The following BMPR1A variants were observed in gnomAD, a reference collection of about 807,000 sequenced individuals.
The protein encoded by BMPR1A is bone morphogenetic protein receptor type 1A.
A neutral mutation model predicts 66.0 loss-of-function variants in BMPR1A; 7 were observed. The ratio of observed to expected loss-of-function variants is 0.11; its 90% CI spans 0.06 to 0.20. The LOEUF (loss-of-function observed/expected upper bound fraction) is 0.20. BMPR1A is among the 10% of genes least tolerant of loss of function. BMPR1A has a pLI of 1.00. For missense variants in BMPR1A, 408 were observed against 669.1 expected (o/e 0.61, Z 4.31); for synonymous variants, 200 against 229.7 (o/e 0.87, Z 1.17).
chr10:86,793,832 T>C (rs113880181), intron 1 of BMPR1A, among the ~76,000 whole-genome samples: 1 of 152,200 alleles, frequency 6.6e-6, no homozygotes, highest in Non-Finnish European at 1.5e-5. Context: ...TGCAGGTGTC[T>C]ACAGGGCCGT....
intron 1 of BMPR1A, among the ~76,000 whole-genome samples, chr10:86,818,172 C>G (rs1842063328): frequency 6.6e-6 from 1 of 152,150 alleles, no homozygotes; most frequent in Non-Finnish European, 1.5e-5. Context: ...GCACCTGCCA[C>G]CATGCCTGGC....
intron 1 of BMPR1A, among the ~76,000 whole-genome samples, chr10:86,804,472 A>G (rs911233964): frequency 6.6e-6 from 1 of 152,100 alleles, no homozygotes; most frequent in Non-Finnish European, 1.5e-5. Context: ...ATCTCAAGTG[A>G]TCCACCCACC....
intron 1 of BMPR1A, among the ~76,000 whole-genome samples, chr10:86,830,648 A>G (rs1842256468): frequency 6.6e-6 from 1 of 151,976 alleles, no homozygotes; most frequent in African/African-American, 2.4e-5. Flanking sequence ...ATGTCTTTAT[A>G]TTTCTTGCCC....
intron 2 of BMPR1A, among the ~76,000 whole-genome samples, chr10:86,859,860 A>G (rs1842690862): frequency 6.6e-6 from 1 of 152,136 alleles, no homozygotes; most frequent in Non-Finnish European, 1.5e-5. Flanking sequence ...TCCAACCTGT[A>G]TTGTTCAAAA....
intron 7 of BMPR1A, among the ~76,000 whole-genome samples, chr10:86,906,490 C>A (rs1843390533): frequency 2.5e-5 from 1 of 40,364 alleles, no homozygotes; most frequent in Admixed American, 1.9e-4. Context: ...GAGGCCGAGG[C>A]GGGCGGATCA....
At chr10:86,905,510 C>G (rs887390132) in intron 7 of BMPR1A, among the ~76,000 whole-genome samples, 2 of 152,184 alleles carry the variant, frequency 1.3e-5, no homozygotes, top group African/African-American at 4.8e-5. Context: ...TGATGATCAA[C>G]TGGCTGGCTG....
intron 8 of BMPR1A, among the ~76,000 whole-genome samples, chr10:86,912,992 C>G (rs1843512991): frequency 1.3e-5 from 2 of 151,940 alleles, no homozygotes; most frequent in Non-Finnish European, 2.9e-5. Context: ...TATGGAAATA[C>G]TCAGTTTTGG....
chr10:86,881,723 C>T (rs1443597971), intron 3 of BMPR1A, among the ~76,000 whole-genome samples: 2 of 152,118 alleles, frequency 1.3e-5, no homozygotes, highest in Non-Finnish European at 2.9e-5. Flanking sequence ...TAGTAAATAC[C>T]GGACAAGTTA....
rs1222180780 is a variant in BMPR1A at position 86,926,519 on chromosome 10, CAAAT to C, written c.*2804_*2807del. ...TGGGCAAAAGAGCGAAACTCCATCT[CAAAT>C]AAACAAACAAATAAATAACAAAAAA... On this transcript the variant is annotated 3_prime_UTR_variant, in exon 13 of 13. Transcript: ENST00000372037. The C allele has an allele frequency of 5.9e-6, 1 of 169,458 alleles. No homozygotes were observed. The highest frequency in any genetic ancestry group is 1.3e-5 in the Non-Finnish European group (1 of 77,930). 10.5% of individuals were successfully genotyped at this position (169,458 alleles called of 1,614,324 possible).
At position 86,924,019 on chromosome 10, in the gene BMPR1A, C is replaced by A. The variant is rs1364948196; in HGVS notation, c.*300C>A. ...TTCAATCCTGATTAGTGTCTCCAGTCAAGCTCTGGGTACTGAATTGCCTGT... is the reference window on the plus strand; with the variant it reads ...TTCAATCCTGATTAGTGTCTCCAGTAAAGCTCTGGGTACTGAATTGCCTGT... On this transcript the variant is annotated 3_prime_UTR_variant, in exon 13 of 13. Coordinates refer to ENST00000372037, the MANE Select transcript of BMPR1A (RefSeq NM_004329.3). 4 of 450,306 alleles carry A rather than the reference C, an allele frequency of 8.9e-6. No individual in the cohort carries two copies. The highest frequency in any genetic ancestry group is 5.8e-5 in the African/African-American group (3 of 51,316). 27.9% of individuals were successfully genotyped at this position (450,306 alleles called of 1,614,324 possible).
At chr10:86,806,462 C>A in intron 1 of BMPR1A, among the ~76,000 whole-genome samples, 1 of 152,226 alleles carries the variant, frequency 6.6e-6, no homozygotes, top group Non-Finnish European at 1.5e-5. Context: ...CTGTAAGAAC[C>A]CTTCTTACTC....
intron 1 of BMPR1A, among the ~76,000 whole-genome samples, chr10:86,781,857 C>CTTTTTTTT (rs1162095658): frequency 2.0e-4 from 17 of 84,234 alleles, no homozygotes; most frequent in Admixed American, 3.4e-4. Flanking sequence ...GACAGGATTT[C>CTTTTTTTT]TTTTTTTTTT....
At chr10:86,770,354 G>C (rs986828084) in intron 1 of BMPR1A, among the ~76,000 whole-genome samples, 1 of 152,016 alleles carries the variant, frequency 6.6e-6, no homozygotes, top group Non-Finnish European at 1.5e-5. Context: ...TGAGGCTGCA[G>C]TGAGCTATGA....
At chr10:86,896,189 T>C (rs369392411) in intron 5 of BMPR1A, among the ~76,000 whole-genome samples, 2 of 137,504 alleles carry the variant, frequency 1.5e-5, no homozygotes, top group African/African-American at 5.3e-5. Context: ...AAAGCTGAGG[T>C]GGGAGGATGA....
chr10:86,899,553 G>A (rs770087283), intron 5 of BMPR1A, among the ~76,000 whole-genome samples: 2 of 152,130 alleles, frequency 1.3e-5, no homozygotes, highest in Non-Finnish European at 2.9e-5. Flanking sequence ...CTAAGTTCGG[G>A]TTTGGTGTTC....
At chr10:86,782,467 A>G (rs971533817) in intron 1 of BMPR1A, among the ~76,000 whole-genome samples, 2 of 152,096 alleles carry the variant, frequency 1.3e-5, no homozygotes, top group African/African-American at 4.8e-5. Context: ...CAGGAGTTCT[A>G]ATTCCTCCAC....
intron 1 of BMPR1A, among the ~76,000 whole-genome samples, chr10:86,770,531 T>C (rs1371106619): frequency 6.6e-6 from 1 of 152,140 alleles, no homozygotes; most frequent in African/African-American, 2.4e-5. Flanking sequence ...AAAGCTATCA[T>C]TTGTCTGCTT....
intron 7 of BMPR1A, among the ~76,000 whole-genome samples, chr10:86,908,978 TTC>T: frequency 6.6e-6 from 1 of 152,330 alleles, no homozygotes; most frequent in East Asian, 1.9e-4. Context: ...ACTTTGCTGC[TTC>T]TCCTCCCTCC....
Position 86,866,399 on chromosome 10 carries a change from C to CTTTTTTTTTTTTCTTTTTTTTTT in BMPR1A, c.-152-9456_-152-9455insCTTTTTTTTTTTTTTTTTTTTTT, listed in dbSNP as rs1842785864. On this transcript the variant is annotated intron_variant, in intron 2 of 12. Coordinates refer to ENST00000372037, the MANE Select transcript of BMPR1A (RefSeq NM_004329.3). Reference sequence around the variant, plus strand: ...TGTGTTAAGTTGGGCAAGTTTCTTTCTTTTTTTTTTTTTTTTTTTTTTTTT... The same window carrying CTTTTTTTTTTTTCTTTTTTTTTT: ...TGTGTTAAGTTGGGCAAGTTTCTTTCTTTTTTTTTTTTCTTTTTTTTTTTTTTTTTTTTTTTTTTTTTTTTTTT... 5.8e-5 allele frequency among the ~76,000 whole-genome samples: 4 copies of CTTTTTTTTTTTTCTTTTTTTTTT among 69,476 alleles called. 1 individual carries two copies. The highest frequency in any genetic ancestry group is 1.6e-4 in the African/African-American group (3 of 18,794). The allele number at this position is 69,476 out of a possible 152,430, so 45.6% of individuals were successfully genotyped here. A position where few individuals can be genotyped will look rare whatever the true frequency, so the allele number is the denominator to read the frequency against.
Sources: gnomAD v4.1 joint callset for allele counts (sites outside exome capture counted in the v4.1 genomes callset) on GRCh38, gnomAD v4.1.1 for gene constraint, MANE v1.5 for transcripts, NCBI Gene and HGNC (gene_info 2026-07-23, HGNC 2026-07-21) for gene names.